The following LOC400499 variants were observed in gnomAD, a reference collection of about 807,000 sequenced individuals.
chr16:11,450,600 AC>A, the LOC400499 span: 1 of 1,535,674 alleles, frequency 6.5e-7, no homozygotes, highest in South Asian at 1.2e-5. Flanking sequence ...GGGGCCGAGC[AC>A]TGCTCACCCG....
chr16:11,459,823 G>A, the LOC400499 span: 1 of 1,245,836 alleles, frequency 8.0e-7, no homozygotes. Context: ...AGAGGGCCAT[G>A]TGGGGGTTCC....
the LOC400499 span, chr16:11,435,723 C>T: frequency 2.5e-6 from 1 of 399,220 alleles, no homozygotes; most frequent in South Asian, 1.3e-4. Context: ...CTGAGGACAG[C>T]CTGGTGGAGA....
At chr16:11,519,850 C>T in the LOC400499 span, among the ~76,000 whole-genome samples, 2 of 151,886 alleles carry the variant, frequency 1.3e-5, no homozygotes, top group Non-Finnish European at 2.9e-5. Context: ...GGATTACAGG[C>T]ATGCACCACC....
the LOC400499 span, among the ~76,000 whole-genome samples, chr16:11,452,848 T>G: frequency 6.6e-6 from 1 of 152,206 alleles, no homozygotes; most frequent in Admixed American, 6.5e-5. Context: ...CTTCCTCAAC[T>G]CTTCAATTTC....
At chr16:11,399,631 TG>T in the LOC400499 span, 80 of 398,652 alleles carry the variant, frequency 2.0e-4, no homozygotes, top group East Asian at 1.6e-3. Context: ...GTACATGACC[TG>T]GGGGGCCAGC....
chr16:11,442,716 T>A, the LOC400499 span, among the ~76,000 whole-genome samples: 1 of 152,120 alleles, frequency 6.6e-6, no homozygotes, highest in African/African-American at 2.4e-5. Flanking sequence ...AGCAATTAAT[T>A]TCCTTAAAAA....
chr16:11,376,629 G>A, the LOC400499 span, among the ~76,000 whole-genome samples: 117 of 152,250 alleles, frequency 7.7e-4, no homozygotes, highest in African/African-American at 2.7e-3. Flanking sequence ...AGTATAAGAC[G>A]TCCAAATTTG....
chr16:11,518,768 G>A, the LOC400499 span: 56 of 397,138 alleles, frequency 1.4e-4, no homozygotes, highest in Middle Eastern at 5.1e-3. Flanking sequence ...TTGCTACAGA[G>A]AGGTCACCCT....
the LOC400499 span, among the ~76,000 whole-genome samples, chr16:11,512,467 G>A: frequency 2.6e-5 from 4 of 151,820 alleles, no homozygotes; most frequent in Non-Finnish European, 4.4e-5. Context: ...GCCAGGCATG[G>A]TGGTGCACAC....
chr16:11,507,506 C>T, the LOC400499 span, among the ~76,000 whole-genome samples: 1 of 152,220 alleles, frequency 6.6e-6, no homozygotes, highest in African/African-American at 2.4e-5. Flanking sequence ...ATTTCCTAAA[C>T]TCTTCAAGCT....
At chr16:11,501,111 T>TG in the LOC400499 span, 247,371 of 394,498 alleles carry the variant, frequency 0.63, 79,063 homozygotes, top group Admixed American at 0.73. Context: ...GACCCGGGTC[T>TG]GGGACCCCGC....
the LOC400499 span, chr16:11,435,639 G>T: frequency 2.5e-6 from 1 of 399,324 alleles, no homozygotes; most frequent in Non-Finnish European, 4.4e-6. Context: ...CTGCCTCCTC[G>T]CAGGCCACCT....
the LOC400499 span, chr16:11,500,845 A>G: frequency 2.5e-6 from 1 of 399,132 alleles, no homozygotes; most frequent in Non-Finnish European, 4.4e-6. Flanking sequence ...TGTGGGAGGA[A>G]GGCCAGTGAT....
the LOC400499 span, chr16:11,417,955 A>G: frequency 6.1e-3 from 2,423 of 397,350 alleles, 66 homozygotes; most frequent in African/African-American, 0.045. Flanking sequence ...CGTCGCTGTG[A>G]TGGGAGGAAC....
At chr16:11,519,757 G>A in the LOC400499 span, among the ~76,000 whole-genome samples, 1 of 150,780 alleles carries the variant, frequency 6.6e-6, no homozygotes, top group Non-Finnish European at 1.5e-5. Context: ...CCAGGCTGGA[G>A]TGCAATGGCG....
At chr16:11,419,540 G>C in the LOC400499 span, among the ~76,000 whole-genome samples, 1 of 152,096 alleles carries the variant, frequency 6.6e-6, no homozygotes, top group South Asian at 2.1e-4. Flanking sequence ...CATAGGTATG[G>C]GCAAGGACTT....
At chr16:11,378,506 T>G in the LOC400499 span, among the ~76,000 whole-genome samples, 2 of 152,170 alleles carry the variant, frequency 1.3e-5, no homozygotes, top group Admixed American at 6.5e-5. Flanking sequence ...TCAGATGATT[T>G]GCCCACCTCG....
chr16:11,385,239 T>G, the LOC400499 span: 1 of 1,232,302 alleles, frequency 8.1e-7, no homozygotes, highest in Non-Finnish European at 1.0e-6. Context: ...GATGAGGGTC[T>G]TGTGGTTAAG....
chr16:11,407,379 GCTC>G, the LOC400499 span: 2 of 397,840 alleles, frequency 5.0e-6, no homozygotes, highest in African/African-American at 2.1e-5. Flanking sequence ...ACACGATAAA[GCTC>G]CTCATCAGGG....
Sources: allele counts gnomAD v4.1 joint callset (sites outside exome capture counted in the v4.1 genomes callset), GRCh38; gene constraint gnomAD v4.1.1; transcripts MANE v1.5.